The following TRAPPC9 variants were observed in gnomAD, a reference collection of about 807,000 sequenced individuals.
TRAPPC9 encodes the protein IKK2 binding protein.
Under a neutral mutation model 124.0 loss-of-function variants are expected in TRAPPC9, and 83 were observed. The ratio of observed to expected loss-of-function variants is 0.67; its 90% CI spans 0.56 to 0.80. The LOEUF (loss-of-function observed/expected upper bound fraction) is 0.80. Ranked by LOEUF, TRAPPC9 falls within the 30% of genes least tolerant of loss-of-function variation. The probability of loss-of-function intolerance (pLI) is 0.00; values close to 1 mark genes in which losing one functional copy is unlikely to be tolerated. For synonymous variants in TRAPPC9, 638 were observed against 617.5 expected, an observed-to-expected ratio of 1.03 and a Z score of -0.49; for missense variants, 1,302 against 1,508.3, an observed-to-expected ratio of 0.86 and a Z score of 2.27.
At chr8:139,979,710 A>G (rs7821395) in intron 19 of TRAPPC9, among the ~76,000 whole-genome samples, 102,233 of 152,072 alleles carry the variant, frequency 0.67, 34,752 homozygotes, top group African/African-American at 0.78. Context: ...CACAGTGTCG[A>G]GGAGGACAGG....
chr8:139,941,839 T>C (rs537122176), intron 19 of TRAPPC9, among the ~76,000 whole-genome samples: 1 of 152,342 alleles, frequency 6.6e-6, no homozygotes, highest in East Asian at 1.9e-4. Context: ...GCTCCGGGCA[T>C]GGGTTTGCCA....
intron 14 of TRAPPC9, among the ~76,000 whole-genome samples, chr8:140,276,297 A>G (rs958014578): frequency 6.6e-6 from 1 of 152,194 alleles, no homozygotes; most frequent in African/African-American, 2.4e-5. Context: ...CCAAAGAGGA[A>G]ACAGAAGCTG....
At chr8:140,360,613 T>A (rs2067920911) in intron 8 of TRAPPC9, among the ~76,000 whole-genome samples, 1 of 147,790 alleles carries the variant, frequency 6.8e-6, no homozygotes, top group Non-Finnish European at 1.5e-5. Context: ...ATAAGAAAAA[T>A]GAAGAAAAGT....
intron 21 of TRAPPC9, among the ~76,000 whole-genome samples, chr8:139,812,378 C>T (rs11166930): frequency 0.48 from 73,667 of 151,964 alleles, 18,226 homozygotes; most frequent in Non-Finnish European, 0.52. Flanking sequence ...CAGGTAGAGG[C>T]GAGCAGCCCA....
intron 21 of TRAPPC9, among the ~76,000 whole-genome samples, chr8:139,763,919 CGAG>C (rs1820410791): frequency 6.6e-6 from 1 of 152,180 alleles, no homozygotes; most frequent in African/African-American, 2.4e-5. Flanking sequence ...CTGGGGACAC[CGAG>C]GAGGACTAGG....
intron 21 of TRAPPC9, among the ~76,000 whole-genome samples, chr8:139,781,590 T>C (rs1262540618): frequency 6.6e-6 from 1 of 152,238 alleles, no homozygotes; most frequent in Non-Finnish European, 1.5e-5. Context: ...GAATGTACAA[T>C]GCCAAGAGTG....
At chr8:139,900,379 C>G (rs901769571) in intron 20 of TRAPPC9, among the ~76,000 whole-genome samples, 1 of 152,174 alleles carries the variant, frequency 6.6e-6, no homozygotes, top group African/African-American at 2.4e-5. Flanking sequence ...TTCTGTCCTC[C>G]CTGGCTGCCA....
intron 21 of TRAPPC9, among the ~76,000 whole-genome samples, chr8:139,813,470 C>T (rs923555312): frequency 2.0e-5 from 3 of 152,192 alleles, no homozygotes; most frequent in African/African-American, 7.2e-5. Flanking sequence ...TGGCAGATGC[C>T]GCAGGAATGA....
chr8:140,212,071 G>T (rs993617049), intron 17 of TRAPPC9, among the ~76,000 whole-genome samples: 3 of 152,222 alleles, frequency 2.0e-5, no homozygotes, highest in African/African-American at 7.2e-5. Flanking sequence ...TGAATGAAAG[G>T]AAGTGAGCAA....
chr8:140,432,504 C>A (rs1052790294), intron 4 of TRAPPC9, among the ~76,000 whole-genome samples: 1 of 152,192 alleles, frequency 6.6e-6, no homozygotes, highest in Non-Finnish European at 1.5e-5. Context: ...CAATCAGTGG[C>A]AAAGCTTTCT....
At chr8:140,093,790 G>A (rs1233553068) in intron 17 of TRAPPC9, among the ~76,000 whole-genome samples, 2 of 152,140 alleles carry the variant, frequency 1.3e-5, no homozygotes, top group African/African-American at 2.4e-5. Flanking sequence ...AGAGACAAAG[G>A]TGCCTGCTTG....
chr8:140,101,541 G>C (rs4596628), intron 17 of TRAPPC9, among the ~76,000 whole-genome samples: 2 of 114,956 alleles, frequency 1.7e-5, no homozygotes, highest in Non-Finnish European at 1.7e-5. Context: ...TCTTTTTTTT[G>C]TTTTTTTTTT....
chr8:140,294,954 A>G (rs1298540494), intron 11 of TRAPPC9, among the ~76,000 whole-genome samples: 1 of 152,150 alleles, frequency 6.6e-6, no homozygotes, highest in Non-Finnish European at 1.5e-5. Context: ...ACCCCTTTCC[A>G]TCCTCAGCAT....
chr8:139,790,452 T>C (rs1822580608), intron 21 of TRAPPC9, among the ~76,000 whole-genome samples: 1 of 152,126 alleles, frequency 6.6e-6, no homozygotes, highest in Admixed American at 6.5e-5. Context: ...CCACAGCCGG[T>C]GCTCACAGGG....
chr8:139,941,017 A>T (rs1470819727), intron 19 of TRAPPC9, among the ~76,000 whole-genome samples: 1 of 152,198 alleles, frequency 6.6e-6, no homozygotes, highest in Non-Finnish European at 1.5e-5. Context: ...CACTGTCCTC[A>T]CTGGGACATA....
intron 9 of TRAPPC9, among the ~76,000 whole-genome samples, chr8:140,316,282 C>G (rs980252511): frequency 6.6e-6 from 1 of 152,044 alleles, no homozygotes; most frequent in African/African-American, 2.4e-5. Flanking sequence ...CGTTGCTGGT[C>G]CTTTGTTTTT....
chr8:140,075,404 C>T (rs912110841), intron 17 of TRAPPC9, among the ~76,000 whole-genome samples: 6 of 152,210 alleles, frequency 3.9e-5, no homozygotes, highest in African/African-American at 1.4e-4. Context: ...AGCCCACAGA[C>T]AGCACGAATG....
chr8:139,966,856 G>A (rs183406965), intron 19 of TRAPPC9, among the ~76,000 whole-genome samples: 17 of 152,242 alleles, frequency 1.1e-4, no homozygotes, highest in Admixed American at 3.3e-4. Context: ...CCCGACATAC[G>A]GTTTAGCACA....
intron 19 of TRAPPC9, among the ~76,000 whole-genome samples, chr8:139,922,832 C>T (rs1308099759): frequency 1.3e-5 from 2 of 152,254 alleles, no homozygotes; most frequent in Admixed American, 1.3e-4. Context: ...GGACACGAAG[C>T]TCAGGCCCAG....
Sources: gnomAD v4.1 joint callset for allele counts (sites outside exome capture counted in the v4.1 genomes callset) on GRCh38, gnomAD v4.1.1 for gene constraint, MANE v1.5 for transcripts, NCBI Gene and HGNC (gene_info 2026-07-23, HGNC 2026-07-21) for gene names.